Variants in FIGNL2 observed in about 807,000 individuals in gnomAD.
FIGNL2 encodes fidgetin-like protein 2.
For missense variants in FIGNL2, 1,060 were observed against 950.2 expected, an observed-to-expected ratio of 1.12 and a Z score of -1.52; for synonymous variants, 565 against 484.0, an observed-to-expected ratio of 1.17 and a Z score of -2.20.
chr12:51,818,413 C>T lies in FIGNL2; in HGVS notation c.*2039G>A, dbSNP rs1481226414. ...CAATACATACACACCTGAGAGAGAA[C>T]CCCTCACTCCATGCTCCCTCCGAGG... On this transcript the variant is annotated 3_prime_UTR_variant, in exon 2 of 2. Transcript: ENST00000618634. The T allele has an allele frequency of 6.7e-6, 1 of 148,632 alleles. No homozygotes were observed. The highest frequency in any genetic ancestry group is 1.5e-5 in the Non-Finnish European group (1 of 67,254). 9.2% of individuals were successfully genotyped at this position (148,632 alleles called of 1,614,324 possible).
chr12:51,847,915 A>G, intron 1 of FIGNL2: 1 of 840,758 alleles, frequency 1.2e-6, no homozygotes, highest in Non-Finnish European at 1.4e-6. Context: ...ACAGCCTCCT[A>G]CAACCCCCTG....
intron 1 of FIGNL2, among the ~76,000 whole-genome samples, chr12:51,826,716 A>G (rs911312988): frequency 6.6e-6 from 1 of 151,620 alleles, no homozygotes; most frequent in African/African-American, 2.4e-5. Flanking sequence ...ACTTAGTTCC[A>G]TAGCGCTACA....
At chr12:51,828,706 G>A (rs1389995298) in intron 1 of FIGNL2, among the ~76,000 whole-genome samples, 1 of 152,142 alleles carries the variant, frequency 6.6e-6, no homozygotes, top group Non-Finnish European at 1.5e-5. Flanking sequence ...CCTGATGCAG[G>A]CAGTAGGTAT....
At chr12:51,826,604 A>C (rs1939349551) in intron 1 of FIGNL2, among the ~76,000 whole-genome samples, 1 of 139,050 alleles carries the variant, frequency 7.2e-6, no homozygotes, top group Non-Finnish European at 1.5e-5. Flanking sequence ...GCGCCATTGC[A>C]CTCCAGCCTG....
intron 1 of FIGNL2, among the ~76,000 whole-genome samples, chr12:51,837,005 G>C (rs1202038789): frequency 2.6e-5 from 4 of 152,112 alleles, no homozygotes; most frequent in Non-Finnish European, 5.9e-5. Context: ...CTGTCCGGTG[G>C]CCCCCAGGGA....
rs1411890445 is a variant in FIGNL2 at position 51,821,964 on chromosome 12, C to G, written c.450G>C (p.Gly150=). The part of the protein sequence containing the change: ...PEPLYAGNAC[G]GPSAAPEYAA... ...CGTACTCGGGCGCCGCCGATGGGCCCCCGCACGCATTGCCGGCGTAGAGGG... is the reference window on the plus strand; with the variant it reads ...CGTACTCGGGCGCCGCCGATGGGCCGCCGCACGCATTGCCGGCGTAGAGGG... Residue 150 remains glycine, a synonymous_variant, in exon 2 of 2, where the codon GGG becomes GGC. Coordinates refer to ENST00000618634, the MANE Select transcript of FIGNL2 (RefSeq NM_001384995.1). 1.9e-6 allele frequency: 3 copies of G among 1,552,986 alleles called. No homozygotes were observed. Among genetic ancestry groups the G allele is most frequent in the South Asian group, 1.2e-5 (1 of 84,404 alleles).
intron 1 of FIGNL2, chr12:51,846,930 A>C (rs1939763538): frequency 1.1e-6 from 1 of 903,686 alleles, no homozygotes; most frequent in Non-Finnish European, 1.3e-6. Flanking sequence ...GGTGTTAAAC[A>C]TGGGAAAGGG....
chr12:51,832,951 T>G (rs577274445), intron 1 of FIGNL2, among the ~76,000 whole-genome samples: 69 of 152,338 alleles, frequency 4.5e-4, no homozygotes, highest in African/African-American at 1.5e-3. Flanking sequence ...CCTTAACTTC[T>G]CTTTCACTCT....
intron 1 of FIGNL2, among the ~76,000 whole-genome samples, chr12:51,839,150 C>T (rs1394783172): frequency 1.3e-5 from 2 of 151,872 alleles, no homozygotes; most frequent in East Asian, 1.9e-4. Context: ...CCCACTGTGC[C>T]CAGACGTAAC....
intron 1 of FIGNL2, among the ~76,000 whole-genome samples, chr12:51,822,766 A>C (rs1939252828): frequency 6.6e-6 from 1 of 152,206 alleles, no homozygotes; most frequent in Admixed American, 6.5e-5. Flanking sequence ...CTTTCTATGA[A>C]GGATCGGACA....
chr12:51,823,752 A>G (rs1222937847), intron 1 of FIGNL2, among the ~76,000 whole-genome samples: 1 of 152,248 alleles, frequency 6.6e-6, no homozygotes, highest in Non-Finnish European at 1.5e-5. Flanking sequence ...GTATTCTCAT[A>G]GGTTCAGTAT....
rs1344578257 is a variant in FIGNL2 at position 51,820,739 on chromosome 12, C to G, written c.1675G>C (p.Asp559His). 6.7e-7 allele frequency: 1 copy of G among 1,483,172 alleles called. No individual in the cohort carries two copies. The highest frequency in any genetic ancestry group is 8.9e-7 in the Non-Finnish European group (1 of 1,126,080). The allele number at this position is 1,483,172 out of a possible 1,614,324, so 91.9% of individuals were successfully genotyped here. Residue 559 changes from aspartate to histidine, a missense_variant, in exon 2 of 2, where the codon GAC (aspartate) becomes CAC (histidine). By Grantham distance (81) the Asp-to-His change is moderately conservative (BLOSUM62 -1). Transcript: ENST00000618634. ...FSLRFYVALP[D>H]SPARGQILQR... ...AGGATCTGCCCGCGGGCCGGGCTGT[C>G]GGGCAGCGCCACGTAGAAGCGGAGA...
chr12:51,825,045 A>AAAAC (rs373687245), intron 1 of FIGNL2, among the ~76,000 whole-genome samples: 6 of 152,080 alleles, frequency 3.9e-5, no homozygotes, highest in South Asian at 2.1e-4. Flanking sequence ...ACTCCATCTC[A>AAAAC]AAACAAACAA....
intron 1 of FIGNL2, chr12:51,844,890 T>C (rs1939719079): frequency 1.0e-6 from 1 of 984,970 alleles, no homozygotes; most frequent in South Asian, 4.7e-5. Context: ...GCGGTCCTAC[T>C]GCAAGTAATA....
chr12:51,821,083 C>A lies in FIGNL2; in HGVS notation c.1331G>T (p.Cys444Phe), dbSNP rs1165087670. The change falls in exon 2 of 2, where the codon TGC becomes TTC. Residue 444 changes from cysteine to phenylalanine, a missense_variant. Physicochemically the swap from Cys to Phe is radical, Grantham distance 205. Coordinates refer to ENST00000618634, the MANE Select transcript of FIGNL2 (RefSeq NM_001384995.1). ...CGTGGCGCCCAGCTGCGTGGCGAGG[C>A]AGCGGCCCAGCAGCGCTTTGCCCGC... The part of the protein sequence containing the change: ...RGAGKALLGR[C>F]LATQLGATLL... The A allele has an allele frequency of 2.3e-6, 3 of 1,300,618 alleles. No individual in the cohort carries two copies. Among genetic ancestry groups the A allele is most frequent in the Admixed American group, 4.2e-5 (1 of 23,732 alleles). The allele number at this position is 1,300,618 out of a possible 1,614,324, so 80.6% of individuals were successfully genotyped here. A position where few individuals can be genotyped will look rare whatever the true frequency, so the allele number is the denominator to read the frequency against.
intron 1 of FIGNL2, among the ~76,000 whole-genome samples, chr12:51,830,408 A>G (rs1381380321): frequency 6.6e-6 from 1 of 152,182 alleles, no homozygotes. Context: ...CACAATGGGT[A>G]CATATTTCGA....
At chr12:51,847,933 GA>G (rs1456763121) in intron 1 of FIGNL2, 2 of 784,752 alleles carry the variant, frequency 2.5e-6, no homozygotes, top group Admixed American at 6.3e-5. Context: ...CTGACTCTGA[GA>G]CGCGGGCTCT....
chr12:51,827,653 C>T (rs949967068), intron 1 of FIGNL2, among the ~76,000 whole-genome samples: 2 of 152,174 alleles, frequency 1.3e-5, no homozygotes, highest in Non-Finnish European at 2.9e-5. Flanking sequence ...CCAAGCAGTG[C>T]CCCAACCTTG....
At chr12:51,823,652 C>CTT (rs752080377) in intron 1 of FIGNL2, 1 of 152,332 alleles carries the variant, frequency 6.6e-6, no homozygotes, top group African/African-American at 2.4e-5. Context: ...ATCTCAAAGA[C>CTT]TAAGAGGCCC....
Sources: allele counts gnomAD v4.1 joint callset (sites outside exome capture counted in the v4.1 genomes callset), GRCh38; gene constraint gnomAD v4.1.1; transcripts MANE v1.5; gene names NCBI Gene and HGNC (gene_info 2026-07-23, HGNC 2026-07-21).